Variants in GRIA1 observed in about 807,000 individuals in gnomAD.
GRIA1 encodes glutamate ionotropic receptor AMPA type subunit 1, also known as glutamate receptor 1.
A neutral mutation model predicts 99.2 loss-of-function variants in GRIA1; 31 were observed. That is an observed-to-expected ratio of 0.31 (90% CI 0.23 to 0.42). The LOEUF is 0.42. Among genes scored for constraint, GRIA1 ranks in the 10% least tolerant of loss-of-function variants. The pLI is 1.00. For synonymous variants in GRIA1, 438 were observed against 432.4 expected, an observed-to-expected ratio of 1.01 and a Z score of -0.16; for missense variants, 782 against 1,157.5, an observed-to-expected ratio of 0.68 and a Z score of 4.71.
chr5:153,569,715 G>A (rs937210), intron 2 of GRIA1, among the ~76,000 whole-genome samples: 14,744 of 152,232 alleles, frequency 0.097, 793 homozygotes, highest in South Asian at 0.19. Flanking sequence ...TATATGGTTT[G>A]GGTTTCCTAT....
chr5:153,550,957 T>C lies in GRIA1; in HGVS notation c.220+56892T>C, dbSNP rs79762307. Among the ~76,000 whole-genome samples the C allele has an allele frequency of 7.2e-3, 1,099 of 152,304 alleles. 15 individuals are homozygous for C. Among genetic ancestry groups the C allele is most frequent in the East Asian group, 0.065 (337 of 5,182 alleles). ...ACAATGTGCAGGTTAGTTACATATG[T>C]ATACAATGAATTTATATTCTTAACA... On this transcript the variant is annotated intron_variant, in intron 2 of 15. Transcript: ENST00000285900.
Position 153,799,456 on chromosome 5 carries a change from C to T in GRIA1, c.2386-2900C>T, listed in dbSNP as rs143996016. Among the ~76,000 whole-genome samples the T allele has an allele frequency of 2.8e-3, 422 of 152,314 alleles. 8 individuals are homozygous for T. The South Asian group carries it at 0.057, about 21-fold the overall frequency. ...AGACCGTATCAAAAAGCTAATGACA[C>T]GCTTAAAGGGAATCAGAACATTTTG... On this transcript the variant is annotated intron_variant, in intron 14 of 15. Coordinates refer to ENST00000285900, the MANE Select transcript of GRIA1 (RefSeq NM_000827.4).
At chr5:153,779,600 G>T (rs902414884) in intron 13 of GRIA1, among the ~76,000 whole-genome samples, 13 of 151,866 alleles carry the variant, frequency 8.6e-5, no homozygotes, top group Middle Eastern at 3.2e-3. Context: ...CACTCTTTTT[G>T]CCCAGGCTAG....
chr5:153,792,866 A>C (rs1397928061), intron 13 of GRIA1, among the ~76,000 whole-genome samples: 1 of 152,210 alleles, frequency 6.6e-6, no homozygotes, highest in Non-Finnish European at 1.5e-5. Flanking sequence ...GGGATCTGTT[A>C]ATGGAAATTG....
At chr5:153,529,372 C>A (rs989197355) in intron 2 of GRIA1, among the ~76,000 whole-genome samples, 1 of 152,174 alleles carries the variant, frequency 6.6e-6, no homozygotes, top group Non-Finnish European at 1.5e-5. Flanking sequence ...AGGTTCACAT[C>A]TTTGGCCCAG....
chr5:153,524,007 T>G lies in GRIA1; in HGVS notation c.220+29942T>G, dbSNP rs1052629712. Among the ~76,000 whole-genome samples the G allele has an allele frequency of 1.4e-4, 21 of 152,222 alleles. 1 individual carries two copies. The highest frequency in any genetic ancestry group is 2.0e-4 in the Admixed American group (3 of 15,282). On this transcript the variant is annotated intron_variant, in intron 2 of 15. Coordinates refer to ENST00000285900, the MANE Select transcript of GRIA1 (RefSeq NM_000827.4). Reference sequence around the variant, plus strand: ...AGGAATGTTATTGAAATGCTAATAGTTGGAATCTGGATGTACTGAATCAGA... The same window carrying G: ...AGGAATGTTATTGAAATGCTAATAGGTGGAATCTGGATGTACTGAATCAGA...
At chr5:153,646,801 A>G in intron 2 of GRIA1, 127 bp from the exon 3 acceptor site, 2 of 985,148 alleles carry the variant, frequency 2.0e-6, no homozygotes, top group Non-Finnish European at 3.1e-6. Flanking sequence ...GGATGGGTAG[A>G]TGGATAGATG....
intron 2 of GRIA1, among the ~76,000 whole-genome samples, chr5:153,526,152 G>T (rs1271453165): frequency 6.6e-6 from 1 of 152,144 alleles, no homozygotes; most frequent in East Asian, 1.9e-4. Flanking sequence ...TTTCTGCCCT[G>T]ATTACATTAA....
At chr5:153,660,687 T>C (rs1252882023) in intron 5 of GRIA1, among the ~76,000 whole-genome samples, 1 of 152,224 alleles carries the variant, frequency 6.6e-6, no homozygotes, top group Non-Finnish European at 1.5e-5. Flanking sequence ...GGTACTCATA[T>C]TGGCAATCGC....
intron 2 of GRIA1, among the ~76,000 whole-genome samples, chr5:153,561,168 G>A (rs12656103): frequency 0.12 from 18,355 of 152,190 alleles, 2,353 homozygotes; most frequent in East Asian, 0.68. Flanking sequence ...TGGCCCTGGA[G>A]CAGCTTTTCT....
intron 2 of GRIA1, among the ~76,000 whole-genome samples, chr5:153,590,126 G>A (rs976185520): frequency 6.6e-6 from 1 of 152,106 alleles, no homozygotes; most frequent in African/African-American, 2.4e-5. Context: ...CTTCATGTTT[G>A]TACATTTTCA....
intron 2 of GRIA1, among the ~76,000 whole-genome samples, chr5:153,611,634 G>A (rs958525573): frequency 3.9e-4 from 60 of 152,248 alleles, no homozygotes; most frequent in African/African-American, 1.3e-3. Context: ...TGGCTCTCAC[G>A]AAGACTTAAA....
intron 2 of GRIA1, among the ~76,000 whole-genome samples, chr5:153,585,696 CT>C (rs1763425850): frequency 6.6e-6 from 1 of 152,110 alleles, no homozygotes; most frequent in Non-Finnish European, 1.5e-5. Context: ...CCCTTTGGAC[CT>C]TTGAATCACC....
In GRIA1 at chr5:153,602,121, G is replaced by T. The variant is rs1765024818; in HGVS notation, c.221-44807G>T. The stretch of plus-strand genomic sequence containing the variant: ...CACTATTCACAATAGCAAAGACTTG[G>T]AACCAACCCAAATGTCCAACAATGA... On this transcript the variant is annotated intron_variant, in intron 2 of 15. Transcript: ENST00000285900. Among the ~76,000 whole-genome samples the T allele has an allele frequency of 2.6e-5, 4 of 152,262 alleles. No individual in the cohort carries two copies. In the East Asian group the frequency reaches 7.7e-4, roughly 29 times the overall value.
chr5:153,605,101 C>T (rs766636165), intron 2 of GRIA1, among the ~76,000 whole-genome samples: 9 of 151,672 alleles, frequency 5.9e-5, no homozygotes, highest in Non-Finnish European at 1.3e-4. Flanking sequence ...ACAGGAGAAT[C>T]GCTTGAGCCC....
At chr5:153,716,371 G>T (rs1373286183) in intron 11 of GRIA1, among the ~76,000 whole-genome samples, 1 of 152,144 alleles carries the variant, frequency 6.6e-6, no homozygotes, top group African/African-American at 2.4e-5. Flanking sequence ...ATCTTCTGAA[G>T]GTCCCTTAGG....
In GRIA1 at chr5:153,741,902, G is replaced by A. The variant is rs139959430; in HGVS notation, c.1824-22532G>A. Among the ~76,000 whole-genome samples the A allele has an allele frequency of 8.8e-3, 1,277 of 145,588 alleles. 8 individuals carry two copies. Among genetic ancestry groups the A allele is most frequent in the Middle Eastern group, 0.015 (4 of 270 alleles). On this transcript the variant is annotated intron_variant, in intron 11 of 15. Transcript: ENST00000285900. The stretch of plus-strand genomic sequence containing the variant: ...TGTAAGAGGATAAATCTCATGTTAA[G>A]CATTCTTAACGTATAAAACTAAAGC...
intron 3 of GRIA1, among the ~76,000 whole-genome samples, chr5:153,650,003 AT>A (rs1754435252): frequency 6.6e-6 from 1 of 152,188 alleles, no homozygotes. Context: ...TCATAATGAC[AT>A]TATGAGGTGA....
intron 5 of GRIA1, among the ~76,000 whole-genome samples, chr5:153,659,977 T>G (rs977589664): frequency 6.6e-6 from 1 of 152,204 alleles, no homozygotes; most frequent in Non-Finnish European, 1.5e-5. Context: ...TATTTCTGTA[T>G]GAATCATACT....
Sources: allele counts gnomAD v4.1 joint callset (sites outside exome capture counted in the v4.1 genomes callset), GRCh38; gene constraint gnomAD v4.1.1; transcripts MANE v1.5; gene names NCBI Gene and HGNC (gene_info 2026-07-23, HGNC 2026-07-21).